Variants in EPB41L4A observed in about 807,000 individuals in gnomAD.
EPB41L4A encodes erythrocyte membrane protein band 4.1 like 4A.
In EPB41L4A, 100 loss-of-function variants were observed where a neutral mutation model predicts 108.6. The observed-to-expected ratio is 0.92, with a 90% CI of 0.78 to 1.09. EPB41L4A has a LOEUF of 1.09. EPB41L4A is among the 50% of genes least tolerant of loss of function. EPB41L4A has a pLI of 0.00. For synonymous variants in EPB41L4A, 319 were observed against 289.0 expected (o/e 1.10, Z -1.05); for missense variants, 1,030 against 842.7 (o/e 1.22, Z -2.75).
chr5:112,223,301 TG>T (rs1748205485), intron 12 of EPB41L4A, among the ~76,000 whole-genome samples: 1 of 152,074 alleles, frequency 6.6e-6, no homozygotes, highest in African/African-American at 2.4e-5. Context: ...AAAATAACCC[TG>T]AACTCTGAGA....
intron 1 of EPB41L4A, among the ~76,000 whole-genome samples, chr5:112,370,297 G>A (rs562901281): frequency 4.7e-5 from 7 of 150,504 alleles, no homozygotes; most frequent in Non-Finnish European, 7.4e-5. Context: ...TTAGCCTCCC[G>A]AAGTGTTGGG....
At chr5:112,321,937 G>C (rs1755809978) in intron 1 of EPB41L4A, among the ~76,000 whole-genome samples, 1 of 152,012 alleles carries the variant, frequency 6.6e-6, no homozygotes, top group South Asian at 2.1e-4. Flanking sequence ...CTTTAACCTG[G>C]GGGAAATTCT....
At chr5:112,165,687 G>A (rs1033296621) in intron 22 of EPB41L4A, among the ~76,000 whole-genome samples, 7 of 152,098 alleles carry the variant, frequency 4.6e-5, no homozygotes, top group Admixed American at 2.6e-4. Flanking sequence ...CTTCTTATGC[G>A]AACCCCTCCT....
At chr5:112,174,756 G>T (rs1025860614) in intron 18 of EPB41L4A, among the ~76,000 whole-genome samples, 2 of 151,990 alleles carry the variant, frequency 1.3e-5, no homozygotes, top group African/African-American at 4.8e-5. Flanking sequence ...AAAAAATATG[G>T]CAGTATTTTA....
At chr5:112,375,015 G>A (rs986063307) in intron 1 of EPB41L4A, among the ~76,000 whole-genome samples, 1 of 152,150 alleles carries the variant, frequency 6.6e-6, no homozygotes, top group African/African-American at 2.4e-5. Context: ...TCACCTGGAA[G>A]GCTTTTTATG....
intron 12 of EPB41L4A, among the ~76,000 whole-genome samples, chr5:112,151,495 C>T (rs1358313219): frequency 6.6e-6 from 1 of 151,882 alleles, no homozygotes; most frequent in Admixed American, 6.6e-5. Flanking sequence ...GCAGCCTCAA[C>T]CTCCAGGGTT....
chr5:112,240,800 G>A lies in EPB41L4A; in HGVS notation c.806C>T (p.Thr269Ile). The part of the protein sequence containing the change: ...LRVLGKDCNE[T>I]SFFFEARSKT... ...ACTCCGAGCTTCAAAAAAGAATGAG[G>A]TTTCGTTACACTAAGAGAGAAAGAG... The change falls in exon 10 of 23, where the codon ACC (threonine) becomes ATC (isoleucine). Residue 269 changes from threonine (T) to isoleucine (I), a missense_variant. By Grantham distance (89) the Thr-to-Ile change is moderately conservative (BLOSUM62 -1). Transcript: ENST00000261486. 1 of 1,588,694 alleles carries A rather than the reference G, an allele frequency of 6.3e-7. No individual in the cohort carries two copies. Among genetic ancestry groups the A allele is most frequent in the Admixed American group, 1.9e-5 (1 of 53,542 alleles).
At chr5:112,291,281 C>T (rs1250765848) in intron 2 of EPB41L4A, among the ~76,000 whole-genome samples, 1 of 152,194 alleles carries the variant, frequency 6.6e-6, no homozygotes, top group Non-Finnish European at 1.5e-5. Context: ...GGACTCCTCT[C>T]AGTTCCAGAA....
intron 2 of EPB41L4A, among the ~76,000 whole-genome samples, chr5:112,303,394 G>A (rs1309553958): frequency 6.6e-6 from 1 of 152,140 alleles, no homozygotes; most frequent in African/African-American, 2.4e-5. Context: ...GATGGTTAAG[G>A]AAATTATCTC....
chr5:112,226,040 C>G (rs1011381076), intron 12 of EPB41L4A, among the ~76,000 whole-genome samples: 1 of 152,184 alleles, frequency 6.6e-6, no homozygotes, highest in African/African-American at 2.4e-5. Flanking sequence ...TGGTGGGCTC[C>G]TCATGGGGCC....
At chr5:112,295,916 C>T (rs559305633) in intron 2 of EPB41L4A, among the ~76,000 whole-genome samples, 1 of 152,234 alleles carries the variant, frequency 6.6e-6, no homozygotes, top group East Asian at 1.9e-4. Context: ...TGAAAGCAGA[C>T]CTATCTTATC....
chr5:112,243,561 A>G (rs1016129653), intron 9 of EPB41L4A, among the ~76,000 whole-genome samples: 6 of 152,146 alleles, frequency 3.9e-5, no homozygotes, highest in African/African-American at 1.4e-4. Context: ...TCTTCTTCCA[A>G]CAGAAGAAGG....
intron 13 of EPB41L4A, among the ~76,000 whole-genome samples, chr5:112,209,513 C>A (rs1191018311): frequency 6.6e-6 from 1 of 152,212 alleles, no homozygotes; most frequent in East Asian, 1.9e-4. Flanking sequence ...TTCAGTGCAC[C>A]ACTATAATGA....
At chr5:112,212,102 G>C (rs1211857470) in intron 12 of EPB41L4A, among the ~76,000 whole-genome samples, 2 of 152,184 alleles carry the variant, frequency 1.3e-5, no homozygotes, top group African/African-American at 4.8e-5. Flanking sequence ...CACCATCTTA[G>C]TCAATTTTGC....
intron 1 of EPB41L4A, among the ~76,000 whole-genome samples, chr5:112,401,576 A>T (rs376509220): frequency 1.3e-5 from 2 of 152,138 alleles, no homozygotes; most frequent in African/African-American, 2.4e-5. Flanking sequence ...CAAATGTCTT[A>T]ATTTAAGAAG....
intron 1 of EPB41L4A, among the ~76,000 whole-genome samples, chr5:112,334,396 C>A (rs1756786627): frequency 6.6e-6 from 1 of 152,150 alleles, no homozygotes; most frequent in Non-Finnish European, 1.5e-5. Context: ...AGCTGAGAGT[C>A]TAGCACCTTT....
At chr5:112,160,266 A>G (rs1204944380), downstream of EPB41L4A, among the ~76,000 whole-genome samples, 1 of 151,974 alleles carries the variant, frequency 6.6e-6, no homozygotes. Context: ...CATGGCTCAC[A>G]CTGTTTCCAT....
At chr5:112,212,844 C>T (rs1188870622) in intron 12 of EPB41L4A, among the ~76,000 whole-genome samples, 5 of 152,020 alleles carry the variant, frequency 3.3e-5, no homozygotes, top group African/African-American at 1.2e-4. Flanking sequence ...AAGAAAAGAC[C>T]TAGGTTTGCT....
intron 12 of EPB41L4A, among the ~76,000 whole-genome samples, chr5:112,146,292 T>C (rs182812713): frequency 3.7e-4 from 56 of 152,370 alleles, no homozygotes; most frequent in Admixed American, 1.6e-3. Context: ...ACTCACCCAT[T>C]TGACAGACTT....
Sources: allele counts gnomAD v4.1 joint callset (sites outside exome capture counted in the v4.1 genomes callset), GRCh38; gene constraint gnomAD v4.1.1; transcripts MANE v1.5; gene names NCBI Gene and HGNC (gene_info 2026-07-23, HGNC 2026-07-21).